Variants in ZSWIM6 observed in about 807,000 individuals in gnomAD.
ZSWIM6 encodes zinc finger SWIM-type containing 6.
In ZSWIM6, 9 loss-of-function variants were observed where a neutral mutation model predicts 113.2. That is an observed-to-expected ratio of 0.08 (90% CI 0.05 to 0.14). ZSWIM6 has a LOEUF of 0.14. Among genes scored for constraint, ZSWIM6 ranks in the 10% least tolerant of loss-of-function variants. The probability of loss-of-function intolerance (pLI) is 1.00; values close to 1 mark genes in which losing one functional copy is unlikely to be tolerated. For missense variants in ZSWIM6, 1,162 were observed against 1,552.2 expected (o/e 0.75, Z 4.22); for synonymous variants, 611 against 606.5 (o/e 1.01, Z -0.11).
intron 1 of ZSWIM6, among the ~76,000 whole-genome samples, chr5:61,370,630 G>A (rs907613456): frequency 3.9e-5 from 6 of 152,202 alleles, no homozygotes; most frequent in African/African-American, 1.4e-4. Context: ...TGCATGTGGA[G>A]TAAGCACTGC....
chr5:61,509,841 TA>T (rs1432308873), intron 4 of ZSWIM6, among the ~76,000 whole-genome samples: 7 of 152,158 alleles, frequency 4.6e-5, no homozygotes, highest in Admixed American at 4.6e-4. Context: ...TTTATTTTAT[TA>T]AATGTAAAAT....
chr5:61,382,605 A>G (rs989856114), intron 1 of ZSWIM6, among the ~76,000 whole-genome samples: 1 of 152,116 alleles, frequency 6.6e-6, no homozygotes, highest in East Asian at 1.9e-4. Flanking sequence ...GGAGTTTGAG[A>G]CCAGCCTGGC....
intron 10 of ZSWIM6, 73 bp from the exon 11 acceptor site, chr5:61,538,741 T>C (rs2112288466): frequency 4.0e-6 from 6 of 1,482,952 alleles, no homozygotes; most frequent in Non-Finnish European, 1.8e-6. Flanking sequence ...CTGGCTTCTG[T>C]TGGCCAGTCT....
In ZSWIM6 at chr5:61,401,083, T is replaced by C. The variant is rs189141382; in HGVS notation, c.676+68135T>C. The stretch of plus-strand genomic sequence containing the variant: ...CGTTTGGATTAGTGGTGTTAGCTAT[T>C]TTCCCCCCGACAATTATTATGTTCT... On this transcript the variant is annotated intron_variant, in intron 1 of 13. Coordinates refer to ENST00000252744, the MANE Select transcript of ZSWIM6 (RefSeq NM_020928.2). Among the ~76,000 whole-genome samples, 70 of 152,328 alleles carry C rather than the reference T, an allele frequency of 4.6e-4. 1 individual carries two copies. Among genetic ancestry groups the C allele is most frequent in the Admixed American group, 1.4e-3 (22 of 15,302 alleles).
At chr5:61,537,552 T>C (rs538604878) in intron 10 of ZSWIM6, among the ~76,000 whole-genome samples, 2 of 132,232 alleles carry the variant, frequency 1.5e-5, no homozygotes, top group South Asian at 4.5e-4. Flanking sequence ...ACGAGGATAT[T>C]CTGAGTTAAA....
chr5:61,435,162 A>C (rs1434814579), intron 1 of ZSWIM6, among the ~76,000 whole-genome samples: 1 of 152,216 alleles, frequency 6.6e-6, no homozygotes, highest in Non-Finnish European at 1.5e-5. Flanking sequence ...AAGATGTCTT[A>C]AATACTACTT....
chr5:61,511,483 G>T (rs1748786392), intron 4 of ZSWIM6, among the ~76,000 whole-genome samples: 1 of 151,982 alleles, frequency 6.6e-6, no homozygotes. Flanking sequence ...TTTTTATGTT[G>T]AAATTCTAAC....
chr5:61,511,302 A>G (rs952613746), intron 4 of ZSWIM6, among the ~76,000 whole-genome samples: 7 of 152,208 alleles, frequency 4.6e-5, no homozygotes, highest in African/African-American at 1.4e-4. Context: ...AAATGTAAGC[A>G]TGCATTTCTG....
intron 1 of ZSWIM6, among the ~76,000 whole-genome samples, chr5:61,408,914 C>A (rs1264739881): frequency 6.6e-6 from 1 of 152,000 alleles, no homozygotes; most frequent in Non-Finnish European, 1.5e-5. Context: ...GGTTGGGAGT[C>A]AGGATGGGGC....
At chr5:61,539,536 A>T in intron 11 of ZSWIM6, 60 bp from the exon 12 acceptor site, 1 of 1,488,308 alleles carries the variant, frequency 6.7e-7, no homozygotes, top group Admixed American at 2.3e-5. Context: ...ATTTTTGTTT[A>T]TTTGTTTGTC....
intron 1 of ZSWIM6, among the ~76,000 whole-genome samples, chr5:61,354,766 A>G (rs573980292): frequency 1.5e-4 from 23 of 152,308 alleles, no homozygotes; most frequent in African/African-American, 5.5e-4. Flanking sequence ...TGGATTTTGA[A>G]TATTAAGGAC....
At chr5:61,352,198 T>G (rs960760188) in intron 1 of ZSWIM6, among the ~76,000 whole-genome samples, 3 of 152,226 alleles carry the variant, frequency 2.0e-5, no homozygotes, top group Admixed American at 2.0e-4. Context: ...CATGCCCTAA[T>G]TGTCATCTTG....
At chr5:61,390,713 C>G in intron 1 of ZSWIM6, 1 of 809,448 alleles carries the variant, frequency 1.2e-6, no homozygotes, top group Admixed American at 1.7e-5. Flanking sequence ...TGAGTGGTGC[C>G]ATGAATGCTG....
chr5:61,333,133 C>T (rs954431101), intron 1 of ZSWIM6, among the ~76,000 whole-genome samples, 185 bp downstream of exon 1: 3 of 151,806 alleles, frequency 2.0e-5, no homozygotes, highest in Non-Finnish European at 2.9e-5. Context: ...TTCCCTGCCC[C>T]CCGTCGCCCC....
intron 1 of ZSWIM6, among the ~76,000 whole-genome samples, chr5:61,437,541 G>C (rs1001864797): frequency 1.3e-5 from 2 of 151,912 alleles, no homozygotes; most frequent in African/African-American, 4.8e-5. Context: ...TGCGCAACAT[G>C]GCAAAACCTG....
chr5:61,501,139 G>T (rs903703372), intron 4 of ZSWIM6, among the ~76,000 whole-genome samples: 1 of 152,148 alleles, frequency 6.6e-6, no homozygotes, highest in African/African-American at 2.4e-5. Context: ...CATTACTGGG[G>T]CATGTTTTCT....
intron 1 of ZSWIM6, among the ~76,000 whole-genome samples, chr5:61,400,878 T>G (rs1177099777): frequency 1.3e-5 from 2 of 152,194 alleles, no homozygotes; most frequent in Admixed American, 1.3e-4. Context: ...GTCTTTACAT[T>G]TGACTGGTGG....
intron 1 of ZSWIM6, among the ~76,000 whole-genome samples, chr5:61,379,559 A>G (rs995786293): frequency 5.9e-5 from 9 of 152,228 alleles, no homozygotes; most frequent in Non-Finnish European, 1.0e-4. Context: ...AAATAATTTA[A>G]TACCACAAAG....
chr5:61,452,517 T>C (rs1160524261), intron 1 of ZSWIM6, among the ~76,000 whole-genome samples: 1 of 152,222 alleles, frequency 6.6e-6, no homozygotes, highest in Non-Finnish European at 1.5e-5. Context: ...CAGATGTTTG[T>C]GGCTTAGATG....
Sources: allele counts gnomAD v4.1 joint callset (sites outside exome capture counted in the v4.1 genomes callset), GRCh38; gene constraint gnomAD v4.1.1; transcripts MANE v1.5; gene names NCBI Gene and HGNC (gene_info 2026-07-23, HGNC 2026-07-21).